INAVA: variants seen among roughly 807,000 people sequenced by gnomAD.
INAVA encodes the protein innate immunity activator protein.
Under a neutral mutation model 55.3 loss-of-function variants are expected in INAVA, and 32 were observed. That is an observed-to-expected ratio of 0.58 (90% CI 0.44 to 0.78). INAVA has a LOEUF of 0.78. Ranked by LOEUF, INAVA falls within the 30% of genes least tolerant of loss-of-function variation. The probability of loss-of-function intolerance (pLI) is 0.00; values close to 1 mark genes in which losing one functional copy is unlikely to be tolerated. For synonymous variants in INAVA, 294 were observed against 329.4 expected, an observed-to-expected ratio of 0.89 and a Z score of 1.16; for missense variants, 756 against 786.4, an observed-to-expected ratio of 0.96 and a Z score of 0.46.
chr1:200,911,759 C>T lies in INAVA; in HGVS notation c.1266C>T (p.His422=), dbSNP rs1288991832. 3.1e-6 allele frequency: 5 copies of T among 1,611,694 alleles called. No homozygotes were observed. Among genetic ancestry groups the T allele is most frequent in the Non-Finnish European group, 2.5e-6 (3 of 1,178,618 alleles). Residue 422 remains histidine (H), a synonymous_variant, in exon 9 of 10, where the codon CAC becomes CAT. Coordinates refer to ENST00000413687, the MANE Select transcript of INAVA (RefSeq NM_001142569.3). ...GCAGCAGAGAGCTGGTCGCCCACCA[C>T]CCCAAGCTACTGCTGCCGCCTGGCT... ...PAGSRELVAH[H]PKLLLPPGYF... is the part of the protein sequence containing the mutation.
At position 200,909,009 on chromosome 1, in the gene INAVA, G is replaced by A; in HGVS notation, c.785+69G>A. The A allele has an allele frequency of 2.7e-6, 4 of 1,486,608 alleles. No individual in the cohort carries two copies. In the South Asian group the frequency reaches 5.2e-5, roughly 19 times the overall value. 92.1% of individuals were successfully genotyped at this position (1,486,608 alleles called of 1,614,324 possible). On this transcript the variant is annotated intron_variant, in intron 7 of 9. Transcript: ENST00000413687. ...GTCGGTGGGAGCTATGCTGGGGATG[G>A]CTATAGGCTGGGCAGATGGAAAAGT...
intron 9 of INAVA, among the ~76,000 whole-genome samples, chr1:200,912,523 G>A (rs1036915131): frequency 1.3e-5 from 2 of 152,164 alleles, no homozygotes; most frequent in African/African-American, 4.8e-5. Flanking sequence ...CAAAGGGAGA[G>A]TAGGAAATGA....
At chr1:200,897,333 T>G (rs890653589) in intron 1 of INAVA, among the ~76,000 whole-genome samples, 1 of 152,200 alleles carries the variant, frequency 6.6e-6, no homozygotes, top group African/African-American at 2.4e-5. Context: ...TCTAGGCTGA[T>G]TCCCCTTCAG....
chr1:200,895,711 T>TA (rs1668333211), intron 1 of INAVA, among the ~76,000 whole-genome samples: 1 of 152,132 alleles, frequency 6.6e-6, no homozygotes, highest in Non-Finnish European at 1.5e-5. Flanking sequence ...GAGGGTCCGC[T>TA]ATGTGGCTGT....
At chr1:200,905,757 G>C (rs1653460158) in intron 5 of INAVA, among the ~76,000 whole-genome samples, 1 of 152,234 alleles carries the variant, frequency 6.6e-6, no homozygotes, top group Non-Finnish European at 1.5e-5. Flanking sequence ...AGCAGCTATT[G>C]AACTGGATTT....
chr1:200,894,986 G>T lies in INAVA; in HGVS notation c.-196G>T. 1.0e-6 allele frequency: 1 copy of T among 985,712 alleles called. No homozygotes were observed. Among genetic ancestry groups the T allele is most frequent in the Non-Finnish European group, 1.2e-6 (1 of 830,078 alleles). 61.1% of individuals were successfully genotyped at this position (985,712 alleles called of 1,614,324 possible). On this transcript the variant is annotated 5_prime_UTR_variant, in exon 1 of 10. Transcript: ENST00000413687. ...TCCGTCAGCTGGAGAGAGAGCACAG[G>T]CCTGTGGCTTGGGAGACCCTGAGGC... is the stretch of plus-strand genomic sequence containing the variant.
intron 5 of INAVA, among the ~76,000 whole-genome samples, chr1:200,901,373 C>A (rs536305393): frequency 6.6e-6 from 1 of 152,250 alleles, no homozygotes; most frequent in Admixed American, 6.5e-5. Flanking sequence ...AAACACCCTA[C>A]TCTCTCCTTC....
chr1:200,904,529 T>C (rs942742749), intron 5 of INAVA, among the ~76,000 whole-genome samples: 1 of 152,188 alleles, frequency 6.6e-6, no homozygotes, highest in Non-Finnish European at 1.5e-5. Flanking sequence ...TTAATGAAAA[T>C]AGCCACATGC....
In INAVA at chr1:200,911,421, C is replaced by G. The variant is rs200110398; in HGVS notation, c.960-32C>G. ...ACCCCAGTGTGGAGTTTCTGCCCCC[C>G]ACACTCAGAATGCCTCTCTTTCCCT... is the stretch of plus-strand genomic sequence containing the variant. On this transcript the variant is annotated intron_variant, in intron 8 of 9. Coordinates refer to ENST00000413687, the MANE Select transcript of INAVA (RefSeq NM_001142569.3). 4.8e-4 allele frequency: 758 copies of G among 1,582,120 alleles called. 2 individuals carry two copies. The highest frequency in any genetic ancestry group is 5.7e-4 in the Non-Finnish European group (666 of 1,158,412).
At chr1:200,899,431 C>T in intron 2 of INAVA, 42 bp from the exon 3 acceptor site, 1 of 1,611,232 alleles carries the variant, frequency 6.2e-7, no homozygotes, top group Non-Finnish European at 8.5e-7. Context: ...AGGAGGCTTC[C>T]ATCTTCAGCC....
Position 200,908,789 on chromosome 1 carries a change from C to T in INAVA, c.634C>T (p.Pro212Ser). 6.2e-7 allele frequency: 1 copy of T among 1,612,572 alleles called. No individual in the cohort carries two copies. Among genetic ancestry groups the T allele is most frequent in the Non-Finnish European group, 8.5e-7 (1 of 1,179,298 alleles). Residue 212 changes from proline (P) to serine (S), a missense_variant, in exon 7 of 10, where the codon CCA becomes TCA. Physicochemically the swap from Pro to Ser is moderately conservative, Grantham distance 74. Around this residue, in one of 2 missense-constraint regions of INAVA, gnomAD observed 639 missense variants for 624.3 expected, o/e 1.02. Coordinates refer to ENST00000413687, the MANE Select transcript of INAVA (RefSeq NM_001142569.3). ...TCCAGCCCCACCTTCTCGGCCTCTC[C>T]CACCCCAAACCCTTGAGGGTCTGCA... The part of the protein sequence containing the change: ...ESPAPPSRPL[P>S]PQTLEGLQPT...
intron 5 of INAVA, among the ~76,000 whole-genome samples, chr1:200,905,845 T>G (rs1653466330): frequency 6.6e-6 from 1 of 152,256 alleles, no homozygotes; most frequent in Admixed American, 6.5e-5. Flanking sequence ...TTTTTGAAAC[T>G]TCCTGGGCAA....
At chr1:200,903,222 A>C (rs962736162) in intron 5 of INAVA, 11 of 152,330 alleles carry the variant, frequency 7.2e-5, no homozygotes, top group African/African-American at 2.4e-4. Flanking sequence ...ACTGTGGCTC[A>C]TGCCTGTAAT....
At chr1:200,899,817 G>T (rs376150329) in intron 3 of INAVA, among the ~76,000 whole-genome samples, 1 of 152,238 alleles carries the variant, frequency 6.6e-6, no homozygotes, top group Non-Finnish European at 1.5e-5. Flanking sequence ...AGAGAACAAA[G>T]TTCATCAGGG....
intron 1 of INAVA, among the ~76,000 whole-genome samples, chr1:200,895,380 C>A (rs1163700103): frequency 6.6e-6 from 1 of 152,028 alleles, no homozygotes; most frequent in African/African-American, 2.4e-5. Context: ...CCCCCATGGC[C>A]CGGCCTGAGG....
chr1:200,907,788 T>C (rs1246950582), intron 5 of INAVA, 46 bp from the exon 6 acceptor site: 1 of 1,558,658 alleles, frequency 6.4e-7, no homozygotes, highest in Admixed American at 1.7e-5. Flanking sequence ...TATCTGTTTG[T>C]TCATTTCTTC....
At position 200,903,823 on chromosome 1, in the gene INAVA, AG is replaced by A. The variant is rs1653372501; in HGVS notation, c.520+2667del. ...TGTCTCAAAAAAAAAAAAAAAAAAAAGGGAAAAAAGCAAACAACCCAAAAAC... is the reference window on the plus strand; with the variant it reads ...TGTCTCAAAAAAAAAAAAAAAAAAAAGGAAAAAAGCAAACAACCCAAAAAC... On this transcript the variant is annotated intron_variant, in intron 5 of 9. Coordinates refer to ENST00000413687, the MANE Select transcript of INAVA (RefSeq NM_001142569.3). Among the ~76,000 whole-genome samples, 4 of 149,288 alleles carry A rather than the reference AG, an allele frequency of 2.7e-5. No individual in the cohort carries two copies. The East Asian group carries it at 6.0e-4, about 22-fold the overall frequency.
intron 5 of INAVA, among the ~76,000 whole-genome samples, chr1:200,903,958 C>T (rs929034828): frequency 1.1e-4 from 16 of 152,144 alleles, no homozygotes; most frequent in Admixed American, 5.9e-4. Flanking sequence ...TGGCAGGGAG[C>T]AGTCAGGTGT....
intron 2 of INAVA, 82 bp from the exon 3 acceptor site, chr1:200,899,391 A>T: frequency 1.3e-6 from 2 of 1,561,432 alleles, no homozygotes; most frequent in South Asian, 2.3e-5. Context: ...GTGCATGTGC[A>T]TTCCCCTAGG....
Sources: gnomAD v4.1 joint callset for allele counts (sites outside exome capture counted in the v4.1 genomes callset) on GRCh38, gnomAD v4.1.1 for gene constraint, gnomAD v4.1.1 regional missense constraint, MANE v1.5 for transcripts, NCBI Gene and HGNC (gene_info 2026-07-23, HGNC 2026-07-21) for gene names.